Variants in OLFM1 observed in about 807,000 individuals in gnomAD.
OLFM1 encodes the protein noelin.
Under a neutral mutation model 49.7 loss-of-function variants are expected in OLFM1, and 9 were observed. The observed-to-expected ratio is 0.18, with a 90% CI of 0.11 to 0.32. The LOEUF (loss-of-function observed/expected upper bound fraction) is 0.32, where lower values mean the gene tolerates loss of function less well. OLFM1 is among the 10% of genes least tolerant of loss of function. The probability of loss-of-function intolerance (pLI) is 1.00; values close to 1 mark genes in which losing one functional copy is unlikely to be tolerated. For missense variants in OLFM1, 369 were observed against 661.8 expected (o/e 0.56, Z 4.85); for synonymous variants, 240 against 271.8 (o/e 0.88, Z 1.15).
Position 135,098,094 on chromosome 9 carries a change from C to A in OLFM1, c.457-192C>A. Reference sequence around the variant, plus strand: ...TTGCATTCTAAACTGACAATAAAGACCTTTCCCAAATATGCTGGTGTTCTG... The same window carrying A: ...TTGCATTCTAAACTGACAATAAAGAACTTTCCCAAATATGCTGGTGTTCTG... On this transcript the variant is annotated intron_variant, in intron 3 of 5. Coordinates refer to ENST00000371793, the MANE Select transcript of OLFM1 (RefSeq NM_001282611.2). This position sits in a 1 kb window ranked among gnomAD's most constrained non-coding sequence, Gnocchi z 5.6. The A allele has an allele frequency of 7.0e-7, 1 of 1,432,034 alleles. No individual in the cohort carries two copies. Among genetic ancestry groups the A allele is most frequent in the Non-Finnish European group, 9.1e-7 (1 of 1,100,086 alleles). 88.7% of individuals were successfully genotyped at this position (1,432,034 alleles called of 1,614,324 possible). A position where few individuals can be genotyped will look rare whatever the true frequency, so the allele number is the denominator to read the frequency against.
chr9:135,111,496 C>T (rs1831022721), intron 5 of OLFM1, among the ~76,000 whole-genome samples: 1 of 152,118 alleles, frequency 6.6e-6, no homozygotes, highest in African/African-American at 2.4e-5. Context: ...GCCCTGACCC[C>T]CTGCTTTTCC....
At chr9:135,086,484 CCG>C, upstream of OLFM1, 1 of 384,330 alleles carries the variant, frequency 2.6e-6, no homozygotes, top group South Asian at 1.9e-5. Context: ...CGCGCTCCTT[CCG>C]GCCCGGCGTC....
chr9:135,075,688 C>T (rs1432083664), exon 1 of OLFM1: 1 of 1,565,192 alleles, frequency 6.4e-7, no homozygotes, highest in Non-Finnish European at 8.6e-7. Context: ...CGCCGGCCGG[C>T]CAGCACCCAG....
intron 1 of OLFM1, chr9:135,077,464 C>T: frequency 2.1e-6 from 1 of 472,998 alleles, no homozygotes; most frequent in East Asian, 3.4e-5. Flanking sequence ...CAATTAGAAG[C>T]CTTGTCTCAG....
At chr9:135,083,981 A>C (rs1830564251), upstream of OLFM1, among the ~76,000 whole-genome samples, 1 of 152,242 alleles carries the variant, frequency 6.6e-6, no homozygotes, top group Non-Finnish European at 1.5e-5. Context: ...GAGCCGGGCC[A>C]GGATGGAAAT....
At chr9:135,089,216 C>G (rs918757582) in intron 1 of OLFM1, among the ~76,000 whole-genome samples, 8 of 152,240 alleles carry the variant, frequency 5.3e-5, no homozygotes, top group Non-Finnish European at 1.0e-4. Context: ...GCCTGCCGGT[C>G]CCGATCTTCT....
At chr9:135,076,008 T>G in intron 1 of OLFM1, 1 of 1,440,332 alleles carries the variant, frequency 6.9e-7, no homozygotes, top group Non-Finnish European at 9.1e-7. Flanking sequence ...GAGACGGCGC[T>G]CCTCCAGCCC....
intron 3 of OLFM1, among the ~76,000 whole-genome samples, 177 bp downstream of exon 3, chr9:135,096,196 C>T (rs1830793509): frequency 8.7e-6 from 1 of 115,340 alleles, no homozygotes; most frequent in African/African-American, 3.0e-5. Flanking sequence ...TCTTCCTCCT[C>T]CTCCCCCTCT....
upstream of OLFM1, among the ~76,000 whole-genome samples, chr9:135,084,606 CTT>C (rs965575010): frequency 5.3e-5 from 8 of 152,142 alleles, no homozygotes; most frequent in South Asian, 2.1e-4. The surrounding 1 kb of genome is among the most constrained non-coding windows in gnomAD (Gnocchi z 4.6). Flanking sequence ...CTCTCTCTCT[CTT>C]CTTCTCCCCT....
intron 1 of OLFM1, among the ~76,000 whole-genome samples, chr9:135,082,227 G>A (rs1830542057): frequency 1.3e-5 from 2 of 152,086 alleles, no homozygotes; most frequent in Non-Finnish European, 2.9e-5. Context: ...GGGGGAGATG[G>A]GAATGAGGTC....
rs546286809 is a variant in OLFM1, at chr9:135,091,470, C to T, written c.300+1126C>T. 5.9e-4 allele frequency among the ~76,000 whole-genome samples: 88 copies of T among 149,742 alleles called. 1 individual carries two copies. The highest frequency in any genetic ancestry group is 4.7e-4 in the Non-Finnish European group (32 of 67,532). ...AGTCACACACACACTCACACACAGT[C>T]ACACACATTCACACATAGTCACACA... On this transcript the variant is annotated intron_variant, in intron 2 of 5. Coordinates refer to ENST00000371793, the MANE Select transcript of OLFM1 (RefSeq NM_001282611.2).
chr9:135,091,776 C>T (rs1395618001), intron 2 of OLFM1, among the ~76,000 whole-genome samples: 1 of 144,466 alleles, frequency 6.9e-6, no homozygotes, highest in Non-Finnish European at 1.5e-5. Flanking sequence ...CAGTCACACA[C>T]ACACTCACAC....
intron 2 of OLFM1, among the ~76,000 whole-genome samples, chr9:135,091,347 G>A (rs1376391226): frequency 6.6e-6 from 1 of 152,206 alleles, no homozygotes; most frequent in East Asian, 1.9e-4. Flanking sequence ...CAGAAGAAAG[G>A]TGCATTTGCA....
At chr9:135,081,254 T>C (rs1830528395) in intron 1 of OLFM1, among the ~76,000 whole-genome samples, 1 of 152,144 alleles carries the variant, frequency 6.6e-6, no homozygotes. Flanking sequence ...CTGAGAAACC[T>C]AAGTTCTGGT....
chr9:135,089,961 G>T (rs1830657351), intron 1 of OLFM1, among the ~76,000 whole-genome samples: 1 of 152,188 alleles, frequency 6.6e-6, no homozygotes, highest in Non-Finnish European at 1.5e-5. Context: ...AACGTAAAGG[G>T]TCTTGCCTCT....
At position 135,115,456 on chromosome 9, in the gene OLFM1, A is replaced by G. The variant is rs1289509816; in HGVS notation, c.784-4048A>G. Among the ~76,000 whole-genome samples the G allele has an allele frequency of 2.0e-5, 3 of 152,226 alleles. No homozygotes were observed. In the East Asian group the frequency reaches 5.8e-4, roughly 29 times the overall value. On this transcript the variant is annotated intron_variant, in intron 5 of 5. Transcript: ENST00000371793. ...GGGGGCAGAAAGGATAAGTGGACGGAGGGAAATGGGCCGTTTACCTGGCAG... is the reference window on the plus strand; with the variant it reads ...GGGGGCAGAAAGGATAAGTGGACGGGGGGAAATGGGCCGTTTACCTGGCAG...
exon 1 of OLFM1, chr9:135,075,574 C>A: frequency 2.0e-6 from 1 of 511,074 alleles, no homozygotes; most frequent in Admixed American, 4.5e-5. Context: ...CCGCGCGCCG[C>A]CCGCTCCGGG....
Position 135,090,386 on chromosome 9 carries a change from T to TTG in OLFM1, c.300+62_300+63dup, listed in dbSNP as rs10633472. On this transcript the variant is annotated intron_variant, in intron 2 of 5. Transcript: ENST00000371793. ...TGTGTGAGTTTGTATGTGTGTGTGT[T>TTG]TGTGTGTGTGTGTGTGTGTGTACAT... 169 of 1,203,618 alleles carry TTG rather than the reference T, an allele frequency of 1.4e-4. 1 individual carries two copies. Among genetic ancestry groups the TTG allele is most frequent in the Middle Eastern group, 1.2e-3 (5 of 4,066 alleles). The allele number at this position is 1,203,618 out of a possible 1,614,324, so 74.6% of individuals were successfully genotyped here.
chr9:135,104,389 C>T (rs1345530149), intron 4 of OLFM1, among the ~76,000 whole-genome samples: 2 of 152,204 alleles, frequency 1.3e-5, no homozygotes, highest in Non-Finnish European at 2.9e-5. Context: ...AGGTGGAGGG[C>T]AGACACCTGG....
Sources: allele counts gnomAD v4.1 joint callset (sites outside exome capture counted in the v4.1 genomes callset), GRCh38; gene constraint gnomAD v4.1.1; non-coding constraint Gnocchi (gnomAD v3.1); transcripts MANE v1.5; gene names NCBI Gene and HGNC (gene_info 2026-07-23, HGNC 2026-07-21).